The following HAO1 variants were observed in gnomAD, a reference collection of about 807,000 sequenced individuals.
HAO1 encodes hydroxyacid oxidase 1.
HAO1 carries 34 observed loss-of-function variants against 39.7 expected under a neutral mutation model. The observed-to-expected ratio is 0.86, with a 90% CI of 0.65 to 1.14. The LOEUF (loss-of-function observed/expected upper bound fraction) is 1.14, where lower values mean the gene tolerates loss of function less well. HAO1 is among the 50% of genes most tolerant of loss of function. HAO1 has a pLI of 0.00. For missense variants in HAO1, 479 were observed against 464.5 expected, an observed-to-expected ratio of 1.03 and a Z score of -0.29; for synonymous variants, 172 against 173.2, an observed-to-expected ratio of 0.99 and a Z score of 0.05.
At chr20:7,891,181 C>G (rs1214370230) in intron 5 of HAO1, among the ~76,000 whole-genome samples, 4 of 152,126 alleles carry the variant, frequency 2.6e-5, no homozygotes, top group Non-Finnish European at 5.9e-5. Flanking sequence ...AGAAATGTTC[C>G]CTGATCACTG....
intron 4 of HAO1, among the ~76,000 whole-genome samples, chr20:7,895,927 T>G (rs2050195306): frequency 6.6e-6 from 1 of 151,922 alleles, no homozygotes; most frequent in Non-Finnish European, 1.5e-5. Context: ...TAACCAGGCC[T>G]CAGGCCTATT....
intron 5 of HAO1, among the ~76,000 whole-genome samples, chr20:7,886,195 A>G (rs2050150667): frequency 6.6e-6 from 1 of 151,626 alleles, no homozygotes; most frequent in Admixed American, 6.6e-5. Context: ...TTTTTTTGAG[A>G]GAGGGTCTTG....
intron 7 of HAO1, among the ~76,000 whole-genome samples, chr20:7,885,057 G>T (rs2050144572): frequency 6.6e-6 from 1 of 152,138 alleles, no homozygotes; most frequent in Non-Finnish European, 1.5e-5. Context: ...GAAGAGTCAA[G>T]AATGACTGAA....
chr20:7,903,284 CCTTAT>C (rs1338353599), intron 4 of HAO1, among the ~76,000 whole-genome samples: 2 of 114,528 alleles, frequency 1.7e-5, no homozygotes, highest in East Asian at 4.7e-4. Flanking sequence ...TCCCATCTCT[CCTTAT>C]CTTTTTTTTT....
chr20:7,937,137 C>T (rs934440828), intron 1 of HAO1, among the ~76,000 whole-genome samples: 10 of 152,080 alleles, frequency 6.6e-5, no homozygotes, highest in African/African-American at 2.4e-4. Context: ...GGCCCACCCT[C>T]ACATCTAACA....
At chr20:7,920,721 G>T (rs2050327132) in intron 2 of HAO1, among the ~76,000 whole-genome samples, 1 of 151,936 alleles carries the variant, frequency 6.6e-6, no homozygotes, top group South Asian at 2.1e-4. Flanking sequence ...CTTTTTAAAG[G>T]CTGAATAGTA....
chr20:7,887,842 G>C (rs577208930), intron 5 of HAO1, among the ~76,000 whole-genome samples: 1 of 152,114 alleles, frequency 6.6e-6, no homozygotes, highest in Admixed American at 6.5e-5. Flanking sequence ...TTTGTGTTTC[G>C]TGTGTCTGTG....
intron 1 of HAO1, among the ~76,000 whole-genome samples, chr20:7,938,007 G>T (rs1318120803): frequency 6.6e-6 from 1 of 152,174 alleles, no homozygotes; most frequent in Non-Finnish European, 1.5e-5. Context: ...AATAAAAGCT[G>T]TCACGGTGAA....
At chr20:7,913,519 A>G (rs994141259) in intron 3 of HAO1, among the ~76,000 whole-genome samples, 2 of 152,192 alleles carry the variant, frequency 1.3e-5, no homozygotes, top group African/African-American at 4.8e-5. Flanking sequence ...AGATGATTGT[A>G]ATCCCAAAAT....
intron 4 of HAO1, among the ~76,000 whole-genome samples, chr20:7,901,589 A>C (rs754080682): frequency 6.6e-6 from 1 of 152,192 alleles, no homozygotes; most frequent in Non-Finnish European, 1.5e-5. Context: ...CTAGTGACTC[A>C]AGAGCTCTGG....
intron 2 of HAO1, among the ~76,000 whole-genome samples, chr20:7,930,862 G>C (rs2050382483): frequency 6.6e-6 from 1 of 152,128 alleles, no homozygotes; most frequent in Non-Finnish European, 1.5e-5. Flanking sequence ...TGATGGAAAT[G>C]GGAAGTAAGA....
chr20:7,899,758 T>C (rs1199109986), intron 4 of HAO1, among the ~76,000 whole-genome samples: 1 of 152,164 alleles, frequency 6.6e-6, no homozygotes, highest in African/African-American at 2.4e-5. Context: ...AGAAAAGCAA[T>C]TTTGCCTTAA....
At chr20:7,923,259 C>A (rs1443357061) in intron 2 of HAO1, among the ~76,000 whole-genome samples, 1 of 152,134 alleles carries the variant, frequency 6.6e-6, no homozygotes, top group African/African-American at 2.4e-5. Flanking sequence ...TGGAAAACAG[C>A]AAAAACTGGC....
intron 2 of HAO1, among the ~76,000 whole-genome samples, chr20:7,933,352 T>C (rs1390200074): frequency 6.6e-6 from 1 of 152,206 alleles, no homozygotes; most frequent in East Asian, 1.9e-4. Flanking sequence ...TTGTTTTCTT[T>C]TGTTCTAAGG....
chr20:7,888,132 A>G (rs780548736), intron 5 of HAO1, among the ~76,000 whole-genome samples: 2 of 152,166 alleles, frequency 1.3e-5, no homozygotes, highest in African/African-American at 2.4e-5. Context: ...CCAGGAAAAT[A>G]TGGTAAGATC....
intron 5 of HAO1, among the ~76,000 whole-genome samples, chr20:7,891,165 C>CAGTGT (rs1280407998): frequency 6.6e-6 from 1 of 152,150 alleles, no homozygotes; most frequent in Non-Finnish European, 1.5e-5. Flanking sequence ...TTCCTACCTG[C>CAGTGT]AGTGTAGAAA....
intron 2 of HAO1, among the ~76,000 whole-genome samples, chr20:7,923,736 A>C (rs542082684): frequency 1.2e-4 from 19 of 152,284 alleles, no homozygotes; most frequent in African/African-American, 4.3e-4. Flanking sequence ...TGTTAACAAA[A>C]TTCAGATTCT....
At chr20:7,914,078 A>G in intron 3 of HAO1, 86 bp downstream of exon 3, 1 of 1,416,024 alleles carries the variant, frequency 7.1e-7, no homozygotes. Flanking sequence ...ATGTTTAGCA[A>G]CGTTGCTATC....
chr20:7,906,099 G>T (rs552570900), intron 4 of HAO1, 55 bp downstream of exon 4: 3 of 1,151,584 alleles, frequency 2.6e-6, no homozygotes, highest in African/African-American at 3.1e-5. Flanking sequence ...TATTATGAAC[G>T]TATCCACAAA....
Sources: gnomAD v4.1 joint callset for allele counts (sites outside exome capture counted in the v4.1 genomes callset) on GRCh38, gnomAD v4.1.1 for gene constraint, MANE v1.5 for transcripts, NCBI Gene and HGNC (gene_info 2026-07-23, HGNC 2026-07-21) for gene names.